The following PACSIN2 variants were observed in gnomAD, a reference collection of about 807,000 sequenced individuals.
PACSIN2 encodes protein kinase C and casein kinase substrate in neurons protein 2.
A neutral mutation model predicts 63.8 loss-of-function variants in PACSIN2; 25 were observed. The ratio of observed to expected loss-of-function variants is 0.39; its 90% CI spans 0.29 to 0.55. The LOEUF is 0.55. PACSIN2 is among the 20% of genes least tolerant of loss of function. The pLI is 0.62. For synonymous variants in PACSIN2, 255 were observed against 256.2 expected (o/e 1.00, Z 0.05); for missense variants, 518 against 646.9 (o/e 0.80, Z 2.16).
At chr22:42,875,360 C>G (rs1928529351) in intron 10 of PACSIN2, among the ~76,000 whole-genome samples, 1 of 151,836 alleles carries the variant, frequency 6.6e-6, no homozygotes, top group Non-Finnish European at 1.5e-5. Context: ...CGCTCTGTTG[C>G]CCAGGTTATT....
rs1931779694 is a variant in PACSIN2, at chr22:42,915,987, G to A, written c.-77-3830C>T. 2.0e-5 allele frequency among the ~76,000 whole-genome samples: 3 copies of A among 152,234 alleles called. No individual in the cohort carries two copies. The South Asian group carries it at 6.2e-4, about 32-fold the overall frequency. On this transcript the variant is annotated intron_variant, in intron 1 of 10. Coordinates refer to ENST00000263246, the MANE Select transcript of PACSIN2 (RefSeq NM_001184970.3). Reference sequence around the variant, plus strand: ...AAAGTCTCCTGCCCAAAGAGTCAGTGACGTAATGCAGACGAGGTGCCTGTG... The same window carrying A: ...AAAGTCTCCTGCCCAAAGAGTCAGTAACGTAATGCAGACGAGGTGCCTGTG...
At chr22:42,993,644 C>T (rs1923200397) in intron 1 of PACSIN2, 1 of 152,202 alleles carries the variant, frequency 6.6e-6, no homozygotes, top group South Asian at 2.1e-4. Flanking sequence ...AACTGCATTG[C>T]CCTTATTTTT....
intron 1 of PACSIN2, among the ~76,000 whole-genome samples, chr22:42,974,816 A>AAAG (rs200235214): frequency 1.7e-4 from 26 of 151,658 alleles, no homozygotes; most frequent in African/African-American, 5.8e-4. Flanking sequence ...AAGAAAAGAG[A>AAAG]AAGAAGAAGA....
chr22:42,958,533 G>A (rs1056348795), intron 1 of PACSIN2, among the ~76,000 whole-genome samples: 1 of 152,164 alleles, frequency 6.6e-6, no homozygotes, highest in African/African-American at 2.4e-5. Context: ...TAAAATTCAT[G>A]CAGAATTCAG....
chr22:42,897,127 G>A (rs1341820812), intron 2 of PACSIN2, among the ~76,000 whole-genome samples: 3 of 152,098 alleles, frequency 2.0e-5, no homozygotes, highest in Admixed American at 6.6e-5. Flanking sequence ...TGCAGAGACA[G>A]GGTTTTGCCG....
chr22:42,888,798 C>A lies in PACSIN2; in HGVS notation c.454G>T (p.Val152Leu), dbSNP rs773011833. Reference sequence around the variant, plus strand: ...TGGTGGGCTTTCTTTGCTGCTTCTACCTACAGGGAGAATGAGTTCCTGAAT... The same window carrying A: ...TGGTGGGCTTTCTTTGCTGCTTCTAACTACAGGGAGAATGAGTTCCTGAAT... ...QKPWAKKLKEVEAAKKAHHAA... is the reference protein window; with the variant it reads ...QKPWAKKLKELEAAKKAHHAA... Residue 152 changes from valine to leucine, a missense_variant and splice_region_variant, in exon 5 of 11, where the codon GTA (valine) becomes TTA (leucine). Transcript: ENST00000263246. The A allele has an allele frequency of 1.9e-6, 3 of 1,614,102 alleles. No individual in the cohort carries two copies. The highest frequency in any genetic ancestry group is 3.3e-5 in the Admixed American group (2 of 60,018).
intron 1 of PACSIN2, among the ~76,000 whole-genome samples, chr22:43,002,758 C>T (rs1017741522): frequency 1.3e-5 from 2 of 152,094 alleles, no homozygotes; most frequent in African/African-American, 4.8e-5. Context: ...GCAAATTCAT[C>T]TACATTAGCA....
At chr22:42,945,285 C>T (rs1933366717) in intron 1 of PACSIN2, among the ~76,000 whole-genome samples, 1 of 152,064 alleles carries the variant, frequency 6.6e-6, no homozygotes, top group Non-Finnish European at 1.5e-5. Context: ...CACTCACCAG[C>T]TCATTTCTGT....
chr22:42,983,132 C>A (rs1021808677), intron 1 of PACSIN2, among the ~76,000 whole-genome samples: 1 of 151,754 alleles, frequency 6.6e-6, no homozygotes. Context: ...GCCTGGCCAA[C>A]ATGGTAAAAC....
chr22:42,999,949 G>A lies in PACSIN2; in HGVS notation c.-78+15072C>T, dbSNP rs17003447. Among the ~76,000 whole-genome samples, 97 of 152,334 alleles carry A rather than the reference G, an allele frequency of 6.4e-4. 2 individuals carry two copies. Among genetic ancestry groups the A allele is most frequent in the Middle Eastern group, 3.4e-3 (1 of 294 alleles). ...TGTGCTACAATGGAGTTCTCTAAGG[G>A]CAATGCCATCACAAGTGCAGGGCAC... is the stretch of plus-strand genomic sequence containing the variant. On this transcript the variant is annotated intron_variant, in intron 1 of 10. Coordinates refer to ENST00000263246, the MANE Select transcript of PACSIN2 (RefSeq NM_001184970.3).
At chr22:42,994,406 C>T (rs1210684541) in intron 1 of PACSIN2, among the ~76,000 whole-genome samples, 3 of 152,358 alleles carry the variant, frequency 2.0e-5, no homozygotes, top group Non-Finnish European at 2.9e-5. Flanking sequence ...AATCCAGAGC[C>T]GTGTCCTGCG....
At chr22:42,903,100 C>T (rs1393663916) in intron 2 of PACSIN2, among the ~76,000 whole-genome samples, 1 of 152,234 alleles carries the variant, frequency 6.6e-6, no homozygotes, top group African/African-American at 2.4e-5. Context: ...CGGGCCTTCA[C>T]TGCAGCTACA....
At chr22:42,923,855 G>A (rs188732903) in intron 1 of PACSIN2, among the ~76,000 whole-genome samples, 1 of 152,186 alleles carries the variant, frequency 6.6e-6, no homozygotes, top group Non-Finnish European at 1.5e-5. Flanking sequence ...TAGGCAAGAT[G>A]GTGAGATCCC....
intron 3 of PACSIN2, among the ~76,000 whole-genome samples, chr22:42,892,130 C>T (rs1442566958): frequency 6.6e-5 from 10 of 152,030 alleles, no homozygotes; most frequent in Non-Finnish European, 1.5e-4. Flanking sequence ...TCTCAGTCCC[C>T]GAGGCTCAGG....
At chr22:42,873,562 G>C (rs1306563318) in intron 10 of PACSIN2, among the ~76,000 whole-genome samples, 1 of 152,168 alleles carries the variant, frequency 6.6e-6, no homozygotes, top group Admixed American at 6.5e-5. Flanking sequence ...GCTGAGTCAG[G>C]GGTTGGGGTG....
intron 1 of PACSIN2, among the ~76,000 whole-genome samples, chr22:42,970,878 A>C (rs1921205833): frequency 1.3e-5 from 2 of 152,066 alleles, no homozygotes; most frequent in Non-Finnish European, 1.5e-5. Flanking sequence ...GCTGGCCTGC[A>C]GCGCCTCCCC....
chr22:42,982,890 ACAAC>A (rs796527128), intron 1 of PACSIN2, among the ~76,000 whole-genome samples: 36 of 116,358 alleles, frequency 3.1e-4, no homozygotes, highest in African/African-American at 1.4e-3. Context: ...AAAAAAAAAA[ACAAC>A]AACAAGGCTA....
chr22:43,012,923 G>A (rs1035016750), intron 1 of PACSIN2, among the ~76,000 whole-genome samples: 1 of 152,048 alleles, frequency 6.6e-6, no homozygotes, highest in African/African-American at 2.4e-5. Context: ...CAAAGTGCTG[G>A]AGATTACAGG....
intron 6 of PACSIN2, 125 bp from the exon 7 acceptor site, chr22:42,882,429 C>G (rs1417251289): frequency 3.9e-6 from 4 of 1,022,234 alleles, no homozygotes; most frequent in Non-Finnish European, 5.7e-6. Flanking sequence ...ACAGACAGAG[C>G]CAGAACACTC....
Sources: allele counts gnomAD v4.1 joint callset (sites outside exome capture counted in the v4.1 genomes callset), GRCh38; gene constraint gnomAD v4.1.1; transcripts MANE v1.5; gene names NCBI Gene and HGNC (gene_info 2026-07-23, HGNC 2026-07-21).